The following IQANK1 variants were observed in gnomAD, a reference collection of about 807,000 sequenced individuals.
IQANK1 encodes IQ motif and ankyrin repeat domain-containing protein 1.
In IQANK1, 30 loss-of-function variants were observed where a neutral mutation model predicts 22.6. The ratio of observed to expected loss-of-function variants is 1.33; its 90% CI spans 0.99 to 1.80. The LOEUF (loss-of-function observed/expected upper bound fraction) is 1.80. Among genes scored for constraint, IQANK1 ranks in the 40% most tolerant of loss-of-function variants. IQANK1 has a pLI of 0.00. For synonymous variants in IQANK1, 122 were observed against 99.6 expected, an observed-to-expected ratio of 1.23 and a Z score of -1.34; for missense variants, 275 against 235.2, an observed-to-expected ratio of 1.17 and a Z score of -1.11.
chr8:143,789,640 T>C (rs1380536728), intron 10 of IQANK1, 112 bp downstream of exon 10: 6 of 1,209,104 alleles, frequency 5.0e-6, no homozygotes, highest in Admixed American at 4.2e-5. Flanking sequence ...CTCTCAAACA[T>C]GGGGAGTCAC....
At chr8:143,763,372 C>T (rs1819429522) in intron 3 of IQANK1, among the ~76,000 whole-genome samples, 1 of 152,154 alleles carries the variant, frequency 6.6e-6, no homozygotes, top group Non-Finnish European at 1.5e-5. Flanking sequence ...CTGTTGAATG[C>T]TTATTGTGTG....
intron 3 of IQANK1, among the ~76,000 whole-genome samples, chr8:143,751,652 G>GTATATATATATA (rs1282292064): frequency 1.8e-4 from 6 of 33,318 alleles, no homozygotes; most frequent in African/African-American, 2.5e-4. Flanking sequence ...GTGTGTGTGT[G>GTATATATATATA]TGTGTGTGTG....
rs566549720 is a variant in IQANK1 at position 143,735,230 on chromosome 8, G to T, written c.-4-620G>T. ...CGGGTGAGGGGCATGGGGCACCGGG[G>T]AGGACCCGGACAGGCTGGGGCAGGC... is the stretch of plus-strand genomic sequence containing the variant. On this transcript the variant is annotated intron_variant, in intron 1 of 13. Coordinates refer to ENST00000527139, the MANE Select transcript of IQANK1 (RefSeq NM_001381874.1). The surrounding 1 kb of genome is among the most constrained non-coding windows in gnomAD (Gnocchi z 5.2). 1.1e-4 allele frequency among the ~76,000 whole-genome samples: 16 copies of T among 152,368 alleles called. 2 individuals carry two copies. In the South Asian group the frequency reaches 2.1e-3, roughly 20 times the overall value.
chr8:143,747,966 T>TCCTTTCCTTTCCTTTC (rs1554627406), intron 3 of IQANK1, among the ~76,000 whole-genome samples: 3 of 139,006 alleles, frequency 2.2e-5, no homozygotes, highest in African/African-American at 9.0e-5. Flanking sequence ...TCCTTTCCTT[T>TCCTTTCCTTTCCTTTC]CCTTTCCCTT....
Position 143,789,478 on chromosome 8 carries a change from CACG to C in IQANK1, c.1039_1041del (p.Asp347del), listed in dbSNP as rs1395778363. The stretch of plus-strand genomic sequence containing the variant: ...TGAGCTTAGCCGGAGGATCTCAGAG[CACG>C]ACCAGTGTGAGTGGAGGTGCATGGA... On this transcript the variant is annotated inframe_deletion, in exon 10 of 14. Coordinates refer to ENST00000527139, the MANE Select transcript of IQANK1 (RefSeq NM_001381874.1). 1 of 1,232,150 alleles carries C rather than the reference CACG, an allele frequency of 8.1e-7. No homozygotes were observed. Among genetic ancestry groups the C allele is most frequent in the Non-Finnish European group, 1.0e-6 (1 of 988,178 alleles). The allele number at this position is 1,232,150 out of a possible 1,614,324, so 76.3% of individuals were successfully genotyped here.
At chr8:143,789,949 C>G in intron 11 of IQANK1, 22 bp from the exon 12 acceptor site, 1 of 1,232,036 alleles carries the variant, frequency 8.1e-7, no homozygotes, top group Non-Finnish European at 1.0e-6. Context: ...TGCCTGTCAG[C>G]TGCACTCTGC....
At chr8:143,743,548 A>G (rs1818966499) in intron 3 of IQANK1, among the ~76,000 whole-genome samples, 1 of 152,116 alleles carries the variant, frequency 6.6e-6, no homozygotes, top group Non-Finnish European at 1.5e-5. Flanking sequence ...CATCTTTGTT[A>G]ACATTTAGAC....
chr8:143,757,636 C>T (rs1244121374), intron 3 of IQANK1, among the ~76,000 whole-genome samples: 1 of 152,086 alleles, frequency 6.6e-6, no homozygotes, highest in Non-Finnish European at 1.5e-5. Context: ...CACGCTTGGC[C>T]ACAATGTGTC....
At position 143,788,996 on chromosome 8, in the gene IQANK1, G is replaced by A; in HGVS notation, c.871G>A (p.Ala291Thr). Residue 291 changes from alanine (A) to threonine (T), a missense_variant, in exon 8 of 14, where the codon GCT becomes ACT. Coordinates refer to ENST00000527139, the MANE Select transcript of IQANK1 (RefSeq NM_001381874.1). ...LTEAMLQNME[A>T]EQQRRAQEAQ... The stretch of plus-strand genomic sequence containing the variant: ...GGAGGCCATGCTCCAGAACATGGAG[G>A]CTGAGCAGCAGCGCCGGGCCCAGGA... 2.5e-6 allele frequency: 1 copy of A among 400,046 alleles called. No individual in the cohort carries two copies. The highest frequency in any genetic ancestry group is 4.4e-6 in the Non-Finnish European group (1 of 226,816). 24.8% of individuals were successfully genotyped at this position (400,046 alleles called of 1,614,324 possible).
At chr8:143,747,961 T>TCCTTTC (rs1554627398) in intron 3 of IQANK1, among the ~76,000 whole-genome samples, 12 of 109,556 alleles carry the variant, frequency 1.1e-4, no homozygotes, top group Non-Finnish European at 1.8e-4. Flanking sequence ...TCCTTTCCTT[T>TCCTTTC]CCTTTCCTTT....
chr8:143,747,957 CCTTT>C (rs782096983), intron 3 of IQANK1, among the ~76,000 whole-genome samples: 51 of 108,936 alleles, frequency 4.7e-4, no homozygotes, highest in African/African-American at 1.2e-3. Context: ...CCTTTCCTTT[CCTTT>C]CCTTTCCTTT....
chr8:143,778,667 T>C (rs1554630705), intron 7 of IQANK1, among the ~76,000 whole-genome samples: 1 of 152,252 alleles, frequency 6.6e-6, no homozygotes, highest in Non-Finnish European at 1.5e-5. Flanking sequence ...CCCTTCATCA[T>C]TCATCAGTCA....
chr8:143,755,703 A>G (rs1819278061), intron 3 of IQANK1, among the ~76,000 whole-genome samples: 1 of 152,204 alleles, frequency 6.6e-6, no homozygotes, highest in African/African-American at 2.4e-5. Flanking sequence ...CACGGGCAAC[A>G]TCATTGCAGT....
chr8:143,787,051 A>C (rs1406894019), intron 7 of IQANK1, among the ~76,000 whole-genome samples: 1 of 152,170 alleles, frequency 6.6e-6, no homozygotes, highest in African/African-American at 2.4e-5. Flanking sequence ...AACTGCTCAG[A>C]AGCAGGATGG....
rs1464667467 is a variant in IQANK1 at position 143,774,564 on chromosome 8, C to CACCA, written c.789+2083_789+2086dup. On this transcript the variant is annotated intron_variant, in intron 7 of 13. Coordinates refer to ENST00000527139, the MANE Select transcript of IQANK1 (RefSeq NM_001381874.1). The surrounding 1 kb of genome is among the most constrained non-coding windows in gnomAD (Gnocchi z 4.2). The stretch of plus-strand genomic sequence containing the variant: ...GCCACACCTTGCTGGGGGGACGCAG[C>CACCA]ACCAGTACAGCCGCTCTTGCAAATA... Among the ~76,000 whole-genome samples the CACCA allele has an allele frequency of 2.0e-5, 3 of 152,194 alleles. No homozygotes were observed. The highest frequency in any genetic ancestry group is 4.4e-5 in the Non-Finnish European group (3 of 68,018).
At position 143,789,782 on chromosome 8, in the gene IQANK1, C is replaced by CA. The variant is rs1194267498; in HGVS notation, c.1109dup (p.Val371GlyfsTer66). ...CCAGGCCATCAAGGACACAGAGGCCCAGGTGGACAGGCTGCGGCAGGAGGC... is the reference window on the plus strand; with the variant it reads ...CCAGGCCATCAAGGACACAGAGGCCCAAGGTGGACAGGCTGCGGCAGGAGGC... On this transcript the variant is annotated frameshift_variant, in exon 11 of 14. Coordinates refer to ENST00000527139, the MANE Select transcript of IQANK1 (RefSeq NM_001381874.1). LOFTEE classifies it high-confidence loss of function. 1 of 1,232,132 alleles carries CA rather than the reference C, an allele frequency of 8.1e-7. No individual in the cohort carries two copies. 76.3% of individuals were successfully genotyped at this position (1,232,132 alleles called of 1,614,324 possible).
In IQANK1 at chr8:143,789,910, C is replaced by T. The variant is rs1819989800; in HGVS notation, c.1195+41C>T. The T allele has an allele frequency of 2.4e-6, 3 of 1,231,612 alleles. No individual in the cohort carries two copies. In the South Asian group the frequency reaches 1.2e-4, roughly 51 times the overall value. The allele number at this position is 1,231,612 out of a possible 1,614,324, so 76.3% of individuals were successfully genotyped here. ...GGCGCCGGCTGGGGGCTGGGACATA[C>T]AGCCCAGGGCGGGGTCCGGCGTCGG... is the stretch of plus-strand genomic sequence containing the variant. On this transcript the variant is annotated intron_variant, in intron 11 of 13. Coordinates refer to ENST00000527139, the MANE Select transcript of IQANK1 (RefSeq NM_001381874.1).
At chr8:143,756,312 GGCTGGA>G (rs1563772646) in intron 3 of IQANK1, among the ~76,000 whole-genome samples, 1 of 152,144 alleles carries the variant, frequency 6.6e-6, no homozygotes, top group Non-Finnish European at 1.5e-5. Flanking sequence ...CCTGACTTAA[GGCTGGA>G]GCTCAGTACA....
At chr8:143,762,291 A>G (rs1325021804) in intron 3 of IQANK1, among the ~76,000 whole-genome samples, 2 of 149,964 alleles carry the variant, frequency 1.3e-5, no homozygotes, top group Non-Finnish European at 3.0e-5. Flanking sequence ...CCTGGGCAAC[A>G]AGAGTGAAAC....
Sources: allele counts gnomAD v4.1 joint callset (sites outside exome capture counted in the v4.1 genomes callset), GRCh38; gene constraint gnomAD v4.1.1; non-coding constraint Gnocchi (gnomAD v3.1); transcripts MANE v1.5; gene names NCBI Gene and HGNC (gene_info 2026-07-23, HGNC 2026-07-21).